HSPA14: variants seen among roughly 807,000 people sequenced by gnomAD.
HSPA14 encodes the protein heat shock 70 kDa protein 14.
Under a neutral mutation model 65.5 loss-of-function variants are expected in HSPA14, and 37 were observed. That is an observed-to-expected ratio of 0.56 (90% CI 0.43 to 0.74). The LOEUF (loss-of-function observed/expected upper bound fraction) is 0.74, where lower values mean the gene tolerates loss of function less well. HSPA14 is among the 30% of genes least tolerant of loss of function. The pLI is 0.00. For missense variants in HSPA14, 564 were observed against 607.6 expected, an observed-to-expected ratio of 0.93 and a Z score of 0.75; for synonymous variants, 203 against 214.2, an observed-to-expected ratio of 0.95 and a Z score of 0.46.
chr10:14,851,136 A>G (rs1030676844), intron 6 of HSPA14, 83 bp from the exon 7 acceptor site: 5 of 774,050 alleles, frequency 6.5e-6, no homozygotes, highest in Non-Finnish European at 1.1e-5. Flanking sequence ...TAGCTTTTGT[A>G]TAAAATCTTT....
intron 3 of HSPA14, chr10:14,843,246 C>A: frequency 8.5e-7 from 1 of 1,177,410 alleles, no homozygotes; most frequent in Non-Finnish European, 1.2e-6. Context: ...TCTTCCCAGT[C>A]CCTGGTGGAA....
intron 4 of HSPA14, 44 bp downstream of exon 4, chr10:14,848,701 TA>T: frequency 6.6e-7 from 1 of 1,506,146 alleles, no homozygotes. Context: ...ATAGAGTAAT[TA>T]CCAAGGTGAT....
chr10:14,866,804 G>A (rs569881680), intron 10 of HSPA14, among the ~76,000 whole-genome samples: 2 of 152,110 alleles, frequency 1.3e-5, no homozygotes, highest in Non-Finnish European at 2.9e-5. Context: ...TGCACAGTAT[G>A]ATGAACCAAG....
chr10:14,851,376 A>AT, intron 7 of HSPA14, 53 bp downstream of exon 7: 1 of 937,334 alleles, frequency 1.1e-6, no homozygotes, highest in Non-Finnish European at 1.8e-6. Flanking sequence ...AACATTTTAG[A>AT]TTATAGAGAT....
At position 14,867,876 on chromosome 10, in the gene HSPA14, GA is replaced by G; in HGVS notation, c.1349del (p.Asn450ThrfsTer17). 1 of 1,613,860 alleles carries G rather than the reference GA, an allele frequency of 6.2e-7. No individual in the cohort carries two copies. Among genetic ancestry groups the G allele is most frequent in the Non-Finnish European group, 8.5e-7 (1 of 1,179,932 alleles). On this transcript the variant is annotated frameshift_variant, in exon 12 of 14. Transcript: ENST00000378372. LOFTEE classifies it high-confidence loss of function. ...TTGAACTCTATGAGTCTGATGGGAA[GA>G]ACTCTGCCAAAGAGGAAACCAAGTT... The part of the protein sequence containing the change: ...CLELYESDGK[N>X]SAKEETKFAQ...
chr10:14,859,034 G>C (rs1236619944), intron 10 of HSPA14, among the ~76,000 whole-genome samples: 1 of 152,100 alleles, frequency 6.6e-6, no homozygotes, highest in Non-Finnish European at 1.5e-5. Flanking sequence ...TCTTGCTTGA[G>C]GGGGACAGGT....
intron 11 of HSPA14, 75 bp from the exon 12 acceptor site, chr10:14,867,661 C>A (rs952270054): frequency 1.6e-6 from 2 of 1,280,932 alleles, no homozygotes; most frequent in Non-Finnish European, 2.2e-6. Flanking sequence ...ATATATATCT[C>A]ATTTATAATG....
intron 3 of HSPA14, chr10:14,846,325 A>C (rs1465682862): frequency 1.0e-6 from 1 of 985,288 alleles, no homozygotes; most frequent in African/African-American, 1.7e-5. Flanking sequence ...CAAAGTGCAT[A>C]AGACAGGGAT....
At chr10:14,855,632 A>G (rs767918436) in intron 9 of HSPA14, among the ~76,000 whole-genome samples, 2 of 151,992 alleles carry the variant, frequency 1.3e-5, no homozygotes, top group African/African-American at 2.4e-5. Flanking sequence ...AATGACCTAG[A>G]CTCTCCTGTC....
intron 10 of HSPA14, among the ~76,000 whole-genome samples, chr10:14,866,421 T>G (rs1051930990): frequency 6.6e-6 from 1 of 152,206 alleles, no homozygotes; most frequent in East Asian, 1.9e-4. Flanking sequence ...TTGATTTCCC[T>G]TCTTAGGTTA....
intron 3 of HSPA14, chr10:14,843,403 T>TC (rs1368774617): frequency 6.4e-7 from 1 of 1,550,890 alleles, no homozygotes; most frequent in Admixed American, 2.0e-5. Context: ...CTACAGCAGC[T>TC]CCCACAGCCT....
At chr10:14,844,514 C>G (rs1834021443) in intron 3 of HSPA14, 1 of 987,402 alleles carries the variant, frequency 1.0e-6, no homozygotes, top group East Asian at 1.1e-4. Flanking sequence ...TGTATTTGTA[C>G]CTTAATCTCT....
intron 8 of HSPA14, 59 bp downstream of exon 8, chr10:14,852,590 A>G (rs1834116728): frequency 7.4e-7 from 1 of 1,352,624 alleles, no homozygotes; most frequent in Admixed American, 2.5e-5. Context: ...ACATATTTTA[A>G]TTTTTTTTCC....
At chr10:14,856,157 T>C (rs1185166392) in intron 10 of HSPA14, among the ~76,000 whole-genome samples, 4 of 152,238 alleles carry the variant, frequency 2.6e-5, no homozygotes, top group African/African-American at 9.6e-5. Flanking sequence ...AATAATTCCT[T>C]TCCAGTATAT....
intron 1 of HSPA14, 58 bp from the exon 2 acceptor site, chr10:14,839,847 A>G: frequency 1.5e-6 from 2 of 1,298,576 alleles, no homozygotes; most frequent in Admixed American, 1.8e-5. Flanking sequence ...ACTGGTGCAC[A>G]AATGCACACG....
chr10:14,838,540 C>T lies in HSPA14; in HGVS notation c.57+81C>T. The T allele has an allele frequency of 3.0e-6, 4 of 1,353,572 alleles. No homozygotes were observed. The Admixed American group carries it at 8.7e-5, about 30-fold the overall frequency. The allele number at this position is 1,353,572 out of a possible 1,614,324, so 83.8% of individuals were successfully genotyped here. A position where few individuals can be genotyped will look rare whatever the true frequency, so the allele number is the denominator to read the frequency against. ...GCTGGGTCATCCACAGGCTTGAGAG[C>T]GGCGTGTCGCCGGCCTAGGGATGTC... On this transcript the variant is annotated intron_variant, in intron 1 of 13. Coordinates refer to ENST00000378372, the MANE Select transcript of HSPA14 (RefSeq NM_016299.4).
Position 14,867,194 on chromosome 10 carries a change from A to C in HSPA14, c.1105A>C (p.Ile369Leu). 1.2e-6 allele frequency: 2 copies of C among 1,613,314 alleles called. No individual in the cohort carries two copies. Among genetic ancestry groups the C allele is most frequent in the Non-Finnish European group, 1.7e-6 (2 of 1,179,342 alleles). ...NSIPPDEVIP[I>L]GAAIEAGILI... ...TATCCCTCCTGATGAAGTGATCCCT[A>C]TTGGTGCAGCTATAGAAGCAGGAAT... Residue 369 changes from isoleucine (I) to leucine (L), a missense_variant, in exon 11 of 14, where the codon ATT becomes CTT. Ile to Leu is a conservative substitution (Grantham distance 5). Coordinates refer to ENST00000378372, the MANE Select transcript of HSPA14 (RefSeq NM_016299.4).
intron 10 of HSPA14, among the ~76,000 whole-genome samples, chr10:14,863,156 A>G (rs1832771174): frequency 6.6e-6 from 1 of 152,164 alleles, no homozygotes; most frequent in African/African-American, 2.4e-5. Flanking sequence ...GATATAACTT[A>G]CTTGGTTATG....
At chr10:14,849,856 C>T in intron 6 of HSPA14, 45 bp downstream of exon 6, 1 of 1,143,620 alleles carries the variant, frequency 8.7e-7, no homozygotes, top group Admixed American at 2.0e-5. Flanking sequence ...AAAGGAAGTA[C>T]AAAGTCACTA....
Sources: gnomAD v4.1 joint callset for allele counts (sites outside exome capture counted in the v4.1 genomes callset) on GRCh38, gnomAD v4.1.1 for gene constraint, MANE v1.5 for transcripts, NCBI Gene and HGNC (gene_info 2026-07-23, HGNC 2026-07-21) for gene names.